The following PPIL4 variants were observed in gnomAD, a reference collection of about 807,000 sequenced individuals.
PPIL4 encodes peptidylprolyl isomerase like 4, also known as peptidyl-prolyl cis-trans isomerase-like 4.
PPIL4 carries 50 observed loss-of-function variants against 69.1 expected under a neutral mutation model. That is an observed-to-expected ratio of 0.72 (90% confidence interval 0.58 to 0.92). The LOEUF is 0.92. Ranked by LOEUF, PPIL4 falls within the 40% of genes least tolerant of loss-of-function variation. The probability of loss-of-function intolerance (pLI) is 0.00; values close to 1 mark genes in which losing one functional copy is unlikely to be tolerated. For missense variants in PPIL4, 480 were observed against 587.9 expected (o/e 0.82, Z 1.90); for synonymous variants, 193 against 191.6 (o/e 1.01, Z -0.06).
chr6:149,539,813 G>A (rs1777333448), intron 4 of PPIL4, among the ~76,000 whole-genome samples: 2 of 152,302 alleles, frequency 1.3e-5, no homozygotes, highest in South Asian at 4.1e-4. Flanking sequence ...AGGCTCAGAT[G>A]ATCAGAAGCA....
intron 12 of PPIL4, among the ~76,000 whole-genome samples, chr6:149,507,640 T>C (rs59658481): frequency 0.011 from 1,636 of 152,338 alleles, 31 homozygotes; most frequent in African/African-American, 0.038. Flanking sequence ...GGCACTTAAG[T>C]GCTTTGAGTA....
intron 9 of PPIL4, 65 bp downstream of exon 9, chr6:149,525,078 T>A: frequency 1.2e-6 from 1 of 828,086 alleles, no homozygotes; most frequent in Non-Finnish European, 1.9e-6. Context: ...GTTCTATAAT[T>A]TTTCACATTT....
At chr6:149,530,850 C>T (rs867660452) in intron 7 of PPIL4, among the ~76,000 whole-genome samples, 3 of 152,104 alleles carry the variant, frequency 2.0e-5, no homozygotes, top group Non-Finnish European at 4.4e-5. Flanking sequence ...AGGAACAAGA[C>T]ATTTGAAAGA....
intron 11 of PPIL4, among the ~76,000 whole-genome samples, chr6:149,514,589 T>A (rs1011051222): frequency 3.3e-5 from 5 of 152,132 alleles, no homozygotes; most frequent in African/African-American, 1.2e-4. Flanking sequence ...CCCAAAGTGC[T>A]GGGATTACAG....
intron 4 of PPIL4, among the ~76,000 whole-genome samples, chr6:149,540,485 G>A (rs1777342541): frequency 6.6e-6 from 1 of 152,122 alleles, no homozygotes; most frequent in African/African-American, 2.4e-5. Flanking sequence ...TGTTGTGGCA[G>A]GCGCATGTAA....
chr6:149,536,738 CAAAAAAAA>C (rs750303522), intron 4 of PPIL4, among the ~76,000 whole-genome samples: 7 of 102,312 alleles, frequency 6.8e-5, no homozygotes, highest in African/African-American at 2.5e-4. Flanking sequence ...TACTCCATCT[CAAAAAAAA>C]AAAAAAAAGA....
At chr6:149,544,234 T>C (rs1331555804) in intron 1 of PPIL4, among the ~76,000 whole-genome samples, 7 of 152,090 alleles carry the variant, frequency 4.6e-5, no homozygotes, top group Admixed American at 2.6e-4. Context: ...AAAAACAAAA[T>C]TCCCTATGAT....
Position 149,505,639 on chromosome 6 carries a change from C to T in PPIL4, c.1293G>A (p.Lys431=). Residue 431 remains lysine, a synonymous_variant, in exon 13 of 13, where the codon AAG becomes AAA. Coordinates refer to ENST00000253329, the MANE Select transcript of PPIL4 (RefSeq NM_139126.4). Reference sequence around the variant, plus strand: ...TCTGAGTTCGGTCTCTCTTTTCACTCTTTTGTTTCTCCCAACAGCTTTCTT... The same window carrying T: ...TCTGAGTTCGGTCTCTCTTTTCACTTTTTTGTTTCTCCCAACAGCTTTCTT... ...EEEESCWEKQ[K]SEKRDRTQNR... is the part of the protein sequence containing the mutation. 1 of 1,614,140 alleles carries T rather than the reference C, an allele frequency of 6.2e-7. No individual in the cohort carries two copies. The highest frequency in any genetic ancestry group is 2.2e-5 in the East Asian group (1 of 44,870).
intron 4 of PPIL4, 111 bp from the exon 5 acceptor site, chr6:149,535,849 C>T (rs1305940046): frequency 1.0e-5 from 7 of 688,076 alleles, no homozygotes; most frequent in African/African-American, 1.8e-5. Flanking sequence ...ACATTTACTG[C>T]ACCAATTCTT....
At chr6:149,544,656 A>G (rs531025924) in intron 1 of PPIL4, among the ~76,000 whole-genome samples, 1 of 152,324 alleles carries the variant, frequency 6.6e-6, no homozygotes, top group Admixed American at 6.5e-5. Flanking sequence ...CAAAGAAGAG[A>G]TGATGCTTGA....
At chr6:149,522,854 AC>A in intron 9 of PPIL4, among the ~76,000 whole-genome samples, 1 of 152,124 alleles carries the variant, frequency 6.6e-6, no homozygotes, top group East Asian at 1.9e-4. Context: ...CTCGTGATCC[AC>A]CCACCTCGGC....
rs1776742090 is a variant in PPIL4 at position 149,504,775 on chromosome 6, A to G, written c.*678T>C. On this transcript the variant is annotated 3_prime_UTR_variant, in exon 13 of 13. Coordinates refer to ENST00000253329, the MANE Select transcript of PPIL4 (RefSeq NM_139126.4). ...GCATTATTTTATCAATATATCAAGC[A>G]ATATAACTGCTAGATACAATGTTCA... 6.6e-6 allele frequency: 1 copy of G among 152,266 alleles called. No individual in the cohort carries two copies. Among genetic ancestry groups the G allele is most frequent in the Admixed American group, 6.5e-5 (1 of 15,280 alleles). 9.4% of individuals were successfully genotyped at this position (152,266 alleles called of 1,614,324 possible). A position where few individuals can be genotyped will look rare whatever the true frequency, so the allele number is the denominator to read the frequency against.
rs114767674 is a variant in PPIL4 at position 149,541,187 on chromosome 6, T to C, written c.204-128A>G. Reference sequence around the variant, plus strand: ...ACAGAATTCAAAATATTACTTTTTTTTTTTTAGGGAACTTGGGGGAAAAAA... The same window carrying C: ...ACAGAATTCAAAATATTACTTTTTTCTTTTTAGGGAACTTGGGGGAAAAAA... On this transcript the variant is annotated intron_variant, in intron 3 of 12. Transcript: ENST00000253329. 323 of 588,736 alleles carry C rather than the reference T, an allele frequency of 5.5e-4. 2 individuals carry two copies. Among genetic ancestry groups the C allele is most frequent in the African/African-American group, 5.4e-3 (284 of 53,018 alleles). The allele number at this position is 588,736 out of a possible 1,614,324, so 36.5% of individuals were successfully genotyped here. A position where few individuals can be genotyped will look rare whatever the true frequency, so the allele number is the denominator to read the frequency against.
chr6:149,517,337 A>G lies in PPIL4; in HGVS notation c.1079+17T>C. The G allele has an allele frequency of 7.3e-7, 1 of 1,373,752 alleles. No individual in the cohort carries two copies. The highest frequency in any genetic ancestry group is 1.2e-5 in the South Asian group (1 of 85,656). 85.1% of individuals were successfully genotyped at this position (1,373,752 alleles called of 1,614,324 possible). On this transcript the variant is annotated intron_variant, in intron 11 of 12. Transcript: ENST00000253329. ...ATGGTCAATACATATTAACTAACTGATTCTTGGTAAGGATACTCCTGTTTG... is the reference window on the plus strand; with the variant it reads ...ATGGTCAATACATATTAACTAACTGGTTCTTGGTAAGGATACTCCTGTTTG...
rs571212635 is a variant in PPIL4, at chr6:149,516,070, G to A, written c.1079+1284C>T. Among the ~76,000 whole-genome samples the A allele has an allele frequency of 5.9e-5, 9 of 152,176 alleles. No individual in the cohort carries two copies. In the South Asian group the frequency reaches 1.9e-3, roughly 32 times the overall value. ...CTAGAAGCTACACTATTCCATATAA[G>A]TATATGTGTGGTTGTTTCAATTAAT... On this transcript the variant is annotated intron_variant, in intron 11 of 12. Transcript: ENST00000253329.
intron 4 of PPIL4, among the ~76,000 whole-genome samples, chr6:149,537,257 C>T (rs1252471847): frequency 6.6e-6 from 1 of 152,134 alleles, no homozygotes; most frequent in African/African-American, 2.4e-5. Flanking sequence ...TTGGAAGATG[C>T]CACTTAGGAC....
chr6:149,543,695 T>A (rs1777396542), intron 1 of PPIL4, among the ~76,000 whole-genome samples: 1 of 152,172 alleles, frequency 6.6e-6, no homozygotes, highest in South Asian at 2.1e-4. Context: ...ATAGTTCCAT[T>A]TTTTCTTGTT....
chr6:149,534,948 A>G (rs538607543), intron 5 of PPIL4, among the ~76,000 whole-genome samples, 174 bp from the exon 6 acceptor site: 1 of 152,242 alleles, frequency 6.6e-6, no homozygotes, highest in South Asian at 2.1e-4. Flanking sequence ...ACTGTTTTGC[A>G]TTGAGTGATA....
rs573734596 is a variant in PPIL4, at chr6:149,538,133, G to A, written c.322-2395C>T. ...TACAAAAAATCAGCCGGGCGTAGTGGTGCACACCTGTAATCCCAGCTACTC... is the reference window on the plus strand; with the variant it reads ...TACAAAAAATCAGCCGGGCGTAGTGATGCACACCTGTAATCCCAGCTACTC... On this transcript the variant is annotated intron_variant, in intron 4 of 12. Coordinates refer to ENST00000253329, the MANE Select transcript of PPIL4 (RefSeq NM_139126.4). Among the ~76,000 whole-genome samples the A allele has an allele frequency of 3.2e-4, 49 of 152,152 alleles. No individual in the cohort carries two copies. In the East Asian group the frequency reaches 5.0e-3, roughly 16 times the overall value.
Sources: gnomAD v4.1 joint callset for allele counts (sites outside exome capture counted in the v4.1 genomes callset) on GRCh38, gnomAD v4.1.1 for gene constraint, MANE v1.5 for transcripts, NCBI Gene and HGNC (gene_info 2026-07-23, HGNC 2026-07-21) for gene names.